Variants in CELSR1 observed in about 807,000 individuals in gnomAD.
CELSR1 encodes the protein adhesion G protein-coupled receptor C1.
A neutral mutation model predicts 249.1 loss-of-function variants in CELSR1; 110 were observed. The ratio of observed to expected loss-of-function variants is 0.44; its 90% CI spans 0.38 to 0.52. The LOEUF is 0.52. CELSR1 is among the 20% of genes least tolerant of loss of function. The pLI is 0.00. For synonymous variants in CELSR1, 2,113 were observed against 1,900.0 expected (o/e 1.11, Z -2.92); for missense variants, 4,109 against 4,296.4 (o/e 0.96, Z 1.22).
At chr22:46,368,030 C>G (rs1024651730) in intron 27 of CELSR1, among the ~76,000 whole-genome samples, 175 bp from the exon 28 acceptor site, 1 of 152,190 alleles carries the variant, frequency 6.6e-6, no homozygotes, top group Non-Finnish European at 1.5e-5. Context: ...TAGCCAGGTA[C>G]GGACTCATCC....
chr22:46,381,008 T>A lies in CELSR1; in HGVS notation c.7089-53A>T. The A allele has an allele frequency of 6.4e-7, 1 of 1,573,938 alleles. No homozygotes were observed. The highest frequency in any genetic ancestry group is 8.7e-7 in the Non-Finnish European group (1 of 1,150,448). Reference sequence around the variant, plus strand: ...ACAAACACGGTGAGGAAACATCTGCTTAAATCCCGCGCACAAATGCCCTGA... The same window carrying A: ...ACAAACACGGTGAGGAAACATCTGCATAAATCCCGCGCACAAATGCCCTGA... On this transcript the variant is annotated intron_variant, in intron 21 of 34. Transcript: ENST00000674500. This position sits in a 1 kb window ranked among gnomAD's most constrained non-coding sequence, Gnocchi z 6.0.
At position 46,381,971 on chromosome 22, in the gene CELSR1, G is replaced by A; in HGVS notation, c.6963C>T (p.Ala2321=). 6.4e-7 allele frequency: 1 copy of A among 1,565,736 alleles called. No homozygotes were observed. Among genetic ancestry groups the A allele is most frequent in the Non-Finnish European group, 8.6e-7 (1 of 1,157,436 alleles). The change falls in exon 21 of 35, where the codon GCC becomes GCT. Residue 2321 remains alanine, a synonymous_variant. Transcript: ENST00000674500. The surrounding 1 kb of genome is among the most constrained non-coding windows in gnomAD (Gnocchi z 6.0). ...TRPGPGTERE[A]PISRRRRHPD... is the part of the protein sequence containing the mutation. ...GGTGTCGCCTCCGCCTGCTGATCGG[G>A]GCCTCCCTCTCGGTGCCAGGCCCCG...
At chr22:46,469,897 T>C (rs1210548719) in intron 1 of CELSR1, among the ~76,000 whole-genome samples, 1 of 55,520 alleles carries the variant, frequency 1.8e-5, no homozygotes, top group African/African-American at 7.5e-5. Context: ...GTCTTGTTCC[T>C]GCTGCATCCG....
At chr22:46,364,810 G>C in intron 32 of CELSR1, 74 bp from the exon 33 acceptor site, 1 of 1,429,752 alleles carries the variant, frequency 7.0e-7, no homozygotes, top group East Asian at 2.4e-5. Flanking sequence ...CCATGGGTCT[G>C]GTGGCTCTGA....
Position 46,397,768 on chromosome 22 carries a change from G to T in CELSR1, c.5607C>A (p.Gly1869=). The part of the protein sequence containing the change: ...NNALKVRVKD[G]CDVDDPCTSS... ...AGGTACAGGGGTCGTCCACATCACAGCCGTCCTTCACCCTGACCTTGAGTG... is the reference window on the plus strand; with the variant it reads ...AGGTACAGGGGTCGTCCACATCACATCCGTCCTTCACCCTGACCTTGAGTG... The change falls in exon 12 of 35, where the codon GGC becomes GGA. Residue 1869 remains glycine, a synonymous_variant. Transcript: ENST00000674500. The T allele has an allele frequency of 6.2e-7, 1 of 1,603,542 alleles. No homozygotes were observed. The highest frequency in any genetic ancestry group is 8.5e-7 in the Non-Finnish European group (1 of 1,174,470).
intron 1 of CELSR1, among the ~76,000 whole-genome samples, chr22:46,519,956 C>T (rs1173404408): frequency 6.6e-6 from 1 of 151,850 alleles, no homozygotes; most frequent in African/African-American, 2.4e-5. Flanking sequence ...ACCGCAACCT[C>T]TGCCTCCTGG....
chr22:46,386,304 G>C (rs887098455), intron 19 of CELSR1, 98 bp downstream of exon 19: 1 of 1,315,496 alleles, frequency 7.6e-7, no homozygotes, highest in Non-Finnish European at 1.0e-6. Flanking sequence ...GGCCAAGGGG[G>C]GGCCGGGAGC....
chr22:46,423,607 GAA>G lies in CELSR1; in HGVS notation c.4611+9784_4611+9785del, dbSNP rs140667892. Among the ~76,000 whole-genome samples, 4,137 of 106,890 alleles carry G rather than the reference GAA, an allele frequency of 0.039. 89 individuals carry two copies. The highest frequency in any genetic ancestry group is 0.055 in the Non-Finnish European group (2,799 of 50,610). The allele number at this position is 106,890 out of a possible 152,430, so 70.1% of individuals were successfully genotyped here. A position where few individuals can be genotyped will look rare whatever the true frequency, so the allele number is the denominator to read the frequency against. On this transcript the variant is annotated intron_variant, in intron 5 of 34. Coordinates refer to ENST00000674500, the MANE Select transcript of CELSR1 (RefSeq NM_001378328.1). This position sits in a 1 kb window ranked among gnomAD's most constrained non-coding sequence, Gnocchi z 5.6. ...GCAACAGGAGCGAAACTTCGTCTCA[GAA>G]AAAAAAAAAAAAAAAGACTCCATGC...
chr22:46,537,312 C>G lies in CELSR1; in HGVS notation c.-142G>C. The G allele has an allele frequency of 1.2e-5, 11 of 942,646 alleles. No homozygotes were observed. The highest frequency in any genetic ancestry group is 1.4e-5 in the Non-Finnish European group (11 of 788,344). 58.4% of individuals were successfully genotyped at this position (942,646 alleles called of 1,614,324 possible). A position where few individuals can be genotyped will look rare whatever the true frequency, so the allele number is the denominator to read the frequency against. On this transcript the variant is annotated 5_prime_UTR_variant, in exon 1 of 35. Coordinates refer to ENST00000674500, the MANE Select transcript of CELSR1 (RefSeq NM_001378328.1). This position sits in a 1 kb window ranked among gnomAD's most constrained non-coding sequence, Gnocchi z 5.8. ...TCCGCGTCCCGCCTCCCCGGGGGCC[C>G]TGGCGGGGACTGTGGGGACCACGCG...
At chr22:46,470,322 T>A (rs1368779038) in intron 1 of CELSR1, among the ~76,000 whole-genome samples, 3 of 151,792 alleles carry the variant, frequency 2.0e-5, no homozygotes, top group African/African-American at 7.3e-5. Flanking sequence ...AGCTTATGTA[T>A]CATAGTGAGA....
At position 46,468,789 on chromosome 22, in the gene CELSR1, T is replaced by A. The variant is rs546287980; in HGVS notation, c.3545-4444A>T. Among the ~76,000 whole-genome samples the A allele has an allele frequency of 1.3e-5, 2 of 152,234 alleles. No individual in the cohort carries two copies. The highest frequency in any genetic ancestry group is 2.4e-5 in the African/African-American group (1 of 41,548). ...ATTTTACCACAATTACAAATTTTTT[T>A]AATAGGCCAGTCTCAGTGGCTCACG... On this transcript the variant is annotated intron_variant, in intron 1 of 34. Coordinates refer to ENST00000674500, the MANE Select transcript of CELSR1 (RefSeq NM_001378328.1). The surrounding 1 kb of genome is among the most constrained non-coding windows in gnomAD (Gnocchi z 4.5).
At chr22:46,510,006 T>C (rs1312279821) in intron 1 of CELSR1, among the ~76,000 whole-genome samples, 6 of 152,164 alleles carry the variant, frequency 3.9e-5, no homozygotes, top group Non-Finnish European at 7.3e-5. Context: ...CTGGAGGCCA[T>C]GCAGGAAGGA....
chr22:46,399,646 A>AG lies in CELSR1; in HGVS notation c.5412+70dup. 5 of 1,503,270 alleles carry AG rather than the reference A, an allele frequency of 3.3e-6. No homozygotes were observed. Among genetic ancestry groups the AG allele is most frequent in the Non-Finnish European group, 4.6e-6 (5 of 1,086,380 alleles). The allele number at this position is 1,503,270 out of a possible 1,614,324, so 93.1% of individuals were successfully genotyped here. On this transcript the variant is annotated intron_variant, in intron 10 of 34. Transcript: ENST00000674500. The surrounding 1 kb of genome is among the most constrained non-coding windows in gnomAD (Gnocchi z 5.0). ...GTCTCTGGTGGGTCCTGGCACGTCAAGGGGTCATTCTGTTTTTCCCTGGGC... is the reference window on the plus strand; with the variant it reads ...GTCTCTGGTGGGTCCTGGCACGTCAAGGGGGTCATTCTGTTTTTCCCTGGGC...
chr22:46,482,214 C>G (rs1173562873), intron 1 of CELSR1, among the ~76,000 whole-genome samples: 1 of 152,240 alleles, frequency 6.6e-6, no homozygotes, highest in Non-Finnish European at 1.5e-5. Flanking sequence ...GGCCGCTCAC[C>G]AGCAACCTTA....
At chr22:46,442,830 G>A (rs182816682) in intron 2 of CELSR1, among the ~76,000 whole-genome samples, 121 of 152,224 alleles carry the variant, frequency 7.9e-4, no homozygotes, top group Middle Eastern at 6.8e-3. Flanking sequence ...GGTGGCTCAC[G>A]CCTGTAATCC....
At chr22:46,397,608 C>T (rs77163631) in intron 12 of CELSR1, 66 bp downstream of exon 12, 1 of 1,343,412 alleles carries the variant, frequency 7.4e-7, no homozygotes, top group African/African-American at 1.5e-5. Flanking sequence ...AAACTGAGCC[C>T]CCCTCCTGTG....
rs1185062624 is a variant in CELSR1 at position 46,393,753 on chromosome 22, A to G, written c.5964+389T>C. Among the ~76,000 whole-genome samples, 1 of 151,756 alleles carries G rather than the reference A, an allele frequency of 6.6e-6. No homozygotes were observed. The highest frequency in any genetic ancestry group is 1.5e-5 in the Non-Finnish European group (1 of 67,916). ...ACTCTGTCTCAAAAAAAAAAAAAAA[A>G]AGACCAGGAAAATGGCCAACCAGGA... On this transcript the variant is annotated intron_variant, in intron 14 of 34. Coordinates refer to ENST00000674500, the MANE Select transcript of CELSR1 (RefSeq NM_001378328.1). This position sits in a 1 kb window ranked among gnomAD's most constrained non-coding sequence, Gnocchi z 4.1.
Position 46,430,746 on chromosome 22 carries a change from GC to G in CELSR1, c.4611+2646del, listed in dbSNP as rs2079586383. ...TCTTCCTGACCTCAAGCTGGCCCCCGCCACCCCTCCAGGCCCCCACACTGCT... is the reference window on the plus strand; with the variant it reads ...TCTTCCTGACCTCAAGCTGGCCCCCGCACCCCTCCAGGCCCCCACACTGCT... On this transcript the variant is annotated intron_variant, in intron 5 of 34. Coordinates refer to ENST00000674500, the MANE Select transcript of CELSR1 (RefSeq NM_001378328.1). This position sits in a 1 kb window ranked among gnomAD's most constrained non-coding sequence, Gnocchi z 4.6. Among the ~76,000 whole-genome samples the G allele has an allele frequency of 6.6e-6, 1 of 150,806 alleles. No individual in the cohort carries two copies. The highest frequency in any genetic ancestry group is 1.5e-5 in the Non-Finnish European group (1 of 67,802).
At chr22:46,533,576 T>C (rs753139095) in intron 1 of CELSR1, 51 bp downstream of exon 1, 8 of 1,506,312 alleles carry the variant, frequency 5.3e-6, no homozygotes, top group Non-Finnish European at 7.0e-6. Flanking sequence ...TTCCTGAGGC[T>C]CTCCAGGAGG....
Sources: allele counts gnomAD v4.1 joint callset (sites outside exome capture counted in the v4.1 genomes callset), GRCh38; gene constraint gnomAD v4.1.1; non-coding constraint Gnocchi (gnomAD v3.1); transcripts MANE v1.5; gene names NCBI Gene and HGNC (gene_info 2026-07-23, HGNC 2026-07-21).